SAMMSON: variants seen among roughly 807,000 people sequenced by gnomAD.
SAMMSON encodes survival associated mitochondrial melanoma specific oncogenic non-coding RNA.
chr3:70,150,191 T>C (rs576561094), intron 4 of SAMMSON, among the ~76,000 whole-genome samples: 2 of 152,206 alleles, frequency 1.3e-5, no homozygotes, highest in East Asian at 3.9e-4. Flanking sequence ...AACTTGAATG[T>C]GACATGTTTC....
At chr3:70,019,942 A>T (rs933807765) in intron 3 of SAMMSON, among the ~76,000 whole-genome samples, 1 of 152,154 alleles carries the variant, frequency 6.6e-6, no homozygotes, top group Non-Finnish European at 1.5e-5. Flanking sequence ...GTGGAATGTG[A>T]GTTCCCTGAA....
intron 4 of SAMMSON, among the ~76,000 whole-genome samples, chr3:70,090,176 G>A (rs2067300200): frequency 6.6e-6 from 1 of 152,090 alleles, no homozygotes. Flanking sequence ...TTTTGTTAAA[G>A]TCCAATCTTC....
intron 9 of SAMMSON, among the ~76,000 whole-genome samples, chr3:70,360,811 A>G (rs780423884): frequency 1.1e-4 from 17 of 152,200 alleles, no homozygotes; most frequent in Non-Finnish European, 2.2e-4. Flanking sequence ...GGAATTATGC[A>G]TTTATATTTC....
chr3:70,162,290 C>G (rs758324566), intron 4 of SAMMSON, among the ~76,000 whole-genome samples: 8 of 151,692 alleles, frequency 5.3e-5, no homozygotes, highest in Non-Finnish European at 8.9e-5. Context: ...AAATTTCTCT[C>G]CAAGCGTTGG....
chr3:70,218,662 A>T (rs1398117356), intron 4 of SAMMSON, among the ~76,000 whole-genome samples: 1 of 152,120 alleles, frequency 6.6e-6, no homozygotes, highest in Non-Finnish European at 1.5e-5. Flanking sequence ...CTCCCAGCAG[A>T]ACTATTCCTG....
intron 7 of SAMMSON, among the ~76,000 whole-genome samples, chr3:70,298,650 T>C (rs180824672): frequency 6.6e-6 from 1 of 152,264 alleles, no homozygotes; most frequent in African/African-American, 2.4e-5. Context: ...GGAATCCAAC[T>C]GAATGAGTAA....
At chr3:70,233,725 A>G (rs1701583184) in intron 4 of SAMMSON, among the ~76,000 whole-genome samples, 1 of 152,170 alleles carries the variant, frequency 6.6e-6, no homozygotes, top group Non-Finnish European at 1.5e-5. Context: ...CTAAAATTTC[A>G]TGTAAACTGA....
chr3:70,315,078 A>G (rs1439516972), intron 7 of SAMMSON, among the ~76,000 whole-genome samples: 5 of 152,178 alleles, frequency 3.3e-5, no homozygotes, highest in East Asian at 3.9e-4. Context: ...TTACTATGAT[A>G]TAATTATTTA....
intron 7 of SAMMSON, among the ~76,000 whole-genome samples, chr3:70,291,404 C>T (rs1328154960): frequency 1.3e-5 from 2 of 152,254 alleles, no homozygotes; most frequent in South Asian, 2.1e-4. Context: ...ACAAATATAT[C>T]GTATTACTAA....
At chr3:70,092,112 G>T (rs2067306949) in intron 4 of SAMMSON, among the ~76,000 whole-genome samples, 1 of 152,054 alleles carries the variant, frequency 6.6e-6, no homozygotes, top group African/African-American at 2.4e-5. Context: ...ACTTTGATTT[G>T]GAAATGAACC....
At chr3:70,373,155 AT>A (rs1296254201) in intron 9 of SAMMSON, among the ~76,000 whole-genome samples, 5 of 152,014 alleles carry the variant, frequency 3.3e-5, no homozygotes, top group African/African-American at 1.2e-4. Context: ...CCCATTAGTC[AT>A]TTTTTAAAAG....
chr3:70,059,874 G>A (rs2067181329), intron 3 of SAMMSON, among the ~76,000 whole-genome samples: 1 of 152,082 alleles, frequency 6.6e-6, no homozygotes, highest in Non-Finnish European at 1.5e-5. Flanking sequence ...TTAGAATCAT[G>A]TACTAAATGT....
At chr3:70,252,573 G>T (rs1056274474) in intron 6 of SAMMSON, among the ~76,000 whole-genome samples, 1 of 152,144 alleles carries the variant, frequency 6.6e-6, no homozygotes, top group East Asian at 1.9e-4. Context: ...AATAAAGTGG[G>T]CCAGATAACA....
At chr3:70,035,720 A>G (rs2067082973) in intron 3 of SAMMSON, among the ~76,000 whole-genome samples, 1 of 152,124 alleles carries the variant, frequency 6.6e-6, no homozygotes, top group African/African-American at 2.4e-5. Context: ...ATAACCTTTC[A>G]ACTGATGATA....
chr3:70,183,099 T>C (rs545540581), intron 4 of SAMMSON, among the ~76,000 whole-genome samples: 4 of 152,362 alleles, frequency 2.6e-5, no homozygotes, highest in African/African-American at 9.6e-5. Context: ...ACATGCCAGC[T>C]ACAAGCCTAG....
At chr3:70,417,434 G>A (rs796154126) in intron 2 of SAMMSON, among the ~76,000 whole-genome samples, 8 of 152,182 alleles carry the variant, frequency 5.3e-5, no homozygotes, top group African/African-American at 1.9e-4. Context: ...AATGGTACTT[G>A]GAATTTTTCT....
Position 70,133,897 on chromosome 3 carries a change from C to T in SAMMSON, n.507+62332C>T, listed in dbSNP as rs565623308. ...TTTGGGTTCAGACTGATGTGAGTTT[C>T]CTCATCTGTAAAGTGAAGATAATAT... is the stretch of plus-strand genomic sequence containing the variant. On this transcript the variant is annotated intron_variant and non_coding_transcript_variant, in intron 4 of 9. Coordinates refer to ENST00000642114, the Ensembl canonical transcript of SAMMSON. Among the ~76,000 whole-genome samples, 5 of 152,110 alleles carry T rather than the reference C, an allele frequency of 3.3e-5. No individual in the cohort carries two copies. In the South Asian group the frequency reaches 1.0e-3, roughly 32 times the overall value.
intron 2 of SAMMSON, among the ~76,000 whole-genome samples, chr3:70,409,085 ATCTCCCACCTGGTG>A (rs1427165015): frequency 1.3e-5 from 2 of 152,144 alleles, no homozygotes; most frequent in African/African-American, 4.8e-5. Flanking sequence ...GATTCAAATT[ATCTCCCACCTGGTG>A]TCTCCCGTAA....
chr3:70,390,357 T>C (rs1162622763), downstream of SAMMSON, among the ~76,000 whole-genome samples: 1 of 152,156 alleles, frequency 6.6e-6, no homozygotes, highest in Non-Finnish European at 1.5e-5. Context: ...ATAAATGTAT[T>C]AGGCCATTCT....
Sources: allele counts gnomAD v4.1 joint callset (sites outside exome capture counted in the v4.1 genomes callset), GRCh38; gene constraint gnomAD v4.1.1; transcripts MANE v1.5; gene names NCBI Gene and HGNC (gene_info 2026-07-23, HGNC 2026-07-21).